Variants in COL5A1 observed in about 807,000 individuals in gnomAD.
COL5A1 encodes the protein collagen type V alpha 1 chain, also known as collagen alpha-1(V) chain.
In COL5A1, 16 loss-of-function variants were observed where a neutral mutation model predicts 263.7. That is an observed-to-expected ratio of 0.06 (90% CI 0.04 to 0.09). COL5A1 has a LOEUF of 0.09. Among genes scored for constraint, COL5A1 ranks in the 10% least tolerant of loss-of-function variants. The pLI is 1.00. For synonymous variants in COL5A1, 1,012 were observed against 1,004.5 expected, an observed-to-expected ratio of 1.01 and a Z score of -0.14; for missense variants, 2,036 against 2,540.5, an observed-to-expected ratio of 0.80 and a Z score of 4.27.
chr9:134,818,530 C>A lies in COL5A1; in HGVS notation c.4231-126C>A, dbSNP rs1208079470. ...GGCAATGAAATGTGGAGAATTAGGG[C>A]AACCCCGGATATGGGGTCACCTGGG... On this transcript the variant is annotated intron_variant, in intron 54 of 65. Coordinates refer to ENST00000371817, the MANE Select transcript of COL5A1 (RefSeq NM_000093.5). This position sits in a 1 kb window ranked among gnomAD's most constrained non-coding sequence, Gnocchi z 6.0. 5 of 700,100 alleles carry A rather than the reference C, an allele frequency of 7.1e-6. No individual in the cohort carries two copies. Among genetic ancestry groups the A allele is most frequent in the Non-Finnish European group, 1.3e-5 (5 of 395,086 alleles). 43.4% of individuals were successfully genotyped at this position (700,100 alleles called of 1,614,324 possible). A position where few individuals can be genotyped will look rare whatever the true frequency, so the allele number is the denominator to read the frequency against.
chr9:134,726,532 A>G (rs1005015459), intron 4 of COL5A1, among the ~76,000 whole-genome samples: 2 of 151,872 alleles, frequency 1.3e-5, no homozygotes, highest in Non-Finnish European at 2.9e-5. Context: ...GTATGTGCAG[A>G]TGGATGGATG....
In COL5A1 at chr9:134,770,563, C is replaced by T. The variant is rs180767163; in HGVS notation, c.2286+2100C>T. ...AAAAATAGATCTACCATGCCAAGGG[C>T]GCATGCATATCTGCAGAGACGACAG... On this transcript the variant is annotated intron_variant, in intron 25 of 65. Coordinates refer to ENST00000371817, the MANE Select transcript of COL5A1 (RefSeq NM_000093.5). 2.7e-3 allele frequency among the ~76,000 whole-genome samples: 418 copies of T among 152,302 alleles called. 1 individual carries two copies. The highest frequency in any genetic ancestry group is 9.5e-3 in the African/African-American group (394 of 41,572).
At chr9:134,679,847 C>T (rs1282416763) in intron 1 of COL5A1, among the ~76,000 whole-genome samples, 1 of 152,028 alleles carries the variant, frequency 6.6e-6, no homozygotes, top group African/African-American at 2.4e-5. Flanking sequence ...CGAGGCCCCA[C>T]TGCCAATATG....
chr9:134,798,542 C>A (rs1239158854), intron 37 of COL5A1, 81 bp downstream of exon 37: 7 of 1,374,962 alleles, frequency 5.1e-6, no homozygotes, highest in Admixed American at 1.7e-5. Context: ...CGCTGCCCAG[C>A]GCCATCTAGG....
rs1397018733 is a variant in COL5A1, at chr9:134,700,858, C to T, written c.492-313C>T. The stretch of plus-strand genomic sequence containing the variant: ...GGACCACGCTCCCAGGGACCACACT[C>T]CTGGGTCCCGAGCCAGTGCCGAGTG... On this transcript the variant is annotated intron_variant, in intron 3 of 65. Coordinates refer to ENST00000371817, the MANE Select transcript of COL5A1 (RefSeq NM_000093.5). The surrounding 1 kb of genome is among the most constrained non-coding windows in gnomAD (Gnocchi z 4.0). Among the ~76,000 whole-genome samples, 1 of 152,170 alleles carries T rather than the reference C, an allele frequency of 6.6e-6. No individual in the cohort carries two copies. The highest frequency in any genetic ancestry group is 1.5e-5 in the Non-Finnish European group (1 of 68,032).
rs561683407 is a variant in COL5A1, at chr9:134,754,536, C to G, written c.1827+210C>G. Among the ~76,000 whole-genome samples, 1 of 152,238 alleles carries G rather than the reference C, an allele frequency of 6.6e-6. No individual in the cohort carries two copies. The highest frequency in any genetic ancestry group is 2.4e-5 in the African/African-American group (1 of 41,468). On this transcript the variant is annotated intron_variant, in intron 16 of 65. Coordinates refer to ENST00000371817, the MANE Select transcript of COL5A1 (RefSeq NM_000093.5). This position sits in a 1 kb window ranked among gnomAD's most constrained non-coding sequence, Gnocchi z 4.3. ...TGTCCTGGGCGCAGACACAGCGGAC[C>G]AGGCCTCTTCCCTGGGCACATTCAT... is the stretch of plus-strand genomic sequence containing the variant.
intron 18 of COL5A1, among the ~76,000 whole-genome samples, chr9:134,759,491 ACT>A (rs1194574135): frequency 3.6e-5 from 4 of 110,060 alleles, no homozygotes; most frequent in African/African-American, 1.9e-4. Context: ...ACACACCCAC[ACT>A]CATACACACA....
intron 4 of COL5A1, among the ~76,000 whole-genome samples, chr9:134,724,058 G>A (rs1409656514): frequency 6.6e-6 from 1 of 152,030 alleles, no homozygotes; most frequent in African/African-American, 2.4e-5. Flanking sequence ...TCCCCTCTCA[G>A]GAGCACTGTC....
chr9:134,806,052 G>A (rs1225793821), intron 41 of COL5A1, 137 bp from the exon 42 acceptor site: 1 of 697,488 alleles, frequency 1.4e-6, no homozygotes, highest in East Asian at 2.7e-5. Context: ...GGTAGTCTGT[G>A]CTTGCAAAGG....
chr9:134,736,953 C>T (rs1007020979), intron 9 of COL5A1, among the ~76,000 whole-genome samples: 34 of 152,256 alleles, frequency 2.2e-4, no homozygotes, highest in Admixed American at 8.5e-4. Context: ...TGGAGGGAGG[C>T]GGCCCCAGGG....
chr9:134,749,929 T>C (rs541719202), intron 11 of COL5A1, among the ~76,000 whole-genome samples: 3 of 152,374 alleles, frequency 2.0e-5, no homozygotes, highest in African/African-American at 7.2e-5. Context: ...TATGTCTGTG[T>C]GGCCAGGTTG....
chr9:134,716,024 T>C lies in COL5A1; in HGVS notation c.655-11242T>C, dbSNP rs1479098723. On this transcript the variant is annotated intron_variant, in intron 4 of 65. Coordinates refer to ENST00000371817, the MANE Select transcript of COL5A1 (RefSeq NM_000093.5). The surrounding 1 kb of genome is among the most constrained non-coding windows in gnomAD (Gnocchi z 4.5). ...TGGTGGTGATGATGTTAGTAGTGTGTTGGTTCTATGGTTTTGGTGCTGGTA... is the reference window on the plus strand; with the variant it reads ...TGGTGGTGATGATGTTAGTAGTGTGCTGGTTCTATGGTTTTGGTGCTGGTA... Among the ~76,000 whole-genome samples the C allele has an allele frequency of 6.6e-6, 1 of 151,588 alleles. No homozygotes were observed. The highest frequency in any genetic ancestry group is 1.5e-5 in the Non-Finnish European group (1 of 67,910).
chr9:134,650,783 A>G (rs1210076454), intron 1 of COL5A1, among the ~76,000 whole-genome samples: 1 of 152,196 alleles, frequency 6.6e-6, no homozygotes, highest in African/African-American at 2.4e-5. Context: ...TCATATTTTC[A>G]TATTTACACT....
intron 1 of COL5A1, among the ~76,000 whole-genome samples, chr9:134,676,242 T>G (rs1832680865): frequency 6.6e-6 from 1 of 152,184 alleles, no homozygotes; most frequent in African/African-American, 2.4e-5. Context: ...GTGTGTGTAT[T>G]TGCATGGTGT....
chr9:134,685,509 ACCATCCAT>A (rs1178190575), intron 1 of COL5A1, among the ~76,000 whole-genome samples: 1 of 58,646 alleles, frequency 1.7e-5, no homozygotes, highest in Non-Finnish European at 3.3e-5. Context: ...TCCATCCATC[ACCATCCAT>A]CCATCCATCC....
chr9:134,693,083 A>AT (rs1355740284), intron 2 of COL5A1, among the ~76,000 whole-genome samples: 2 of 150,960 alleles, frequency 1.3e-5, no homozygotes. Flanking sequence ...ACAAAAAAAA[A>AT]GGAAAAGAAA....
chr9:134,748,685 G>C (rs920255530), intron 11 of COL5A1, among the ~76,000 whole-genome samples: 3 of 152,186 alleles, frequency 2.0e-5, no homozygotes, highest in African/African-American at 7.2e-5. Flanking sequence ...TAGCAATTCA[G>C]AAATATACAC....
chr9:134,653,979 AGTGTATAGGGCTGGT>A (rs1831791343), intron 1 of COL5A1, among the ~76,000 whole-genome samples: 1 of 58,366 alleles, frequency 1.7e-5, no homozygotes, highest in Non-Finnish European at 3.4e-5. Flanking sequence ...TAGGGCTGGA[AGTGTATAGGGCTGGT>A]GTGTGTAGGG....
chr9:134,689,010 T>C (rs1336342226), intron 1 of COL5A1, among the ~76,000 whole-genome samples: 1 of 152,154 alleles, frequency 6.6e-6, no homozygotes, highest in Non-Finnish European at 1.5e-5. Flanking sequence ...TTCCTGTCTG[T>C]ACCTCCTTGT....
Sources: gnomAD v4.1 joint callset for allele counts (sites outside exome capture counted in the v4.1 genomes callset) on GRCh38, gnomAD v4.1.1 for gene constraint, Gnocchi (gnomAD v3.1) non-coding constraint, MANE v1.5 for transcripts, NCBI Gene and HGNC (gene_info 2026-07-23, HGNC 2026-07-21) for gene names.